Variants in CTBP2 observed in about 807,000 individuals in gnomAD.
The protein encoded by CTBP2 is C-terminal binding protein 2, also known as C-terminal-binding protein 2.
A neutral mutation model predicts 80.3 loss-of-function variants in CTBP2; 30 were observed. That is an observed-to-expected ratio of 0.37 (90% CI 0.28 to 0.51). The LOEUF is 0.51. CTBP2 is among the 20% of genes least tolerant of loss of function. The pLI is 0.93. For missense variants in CTBP2, 1,212 were observed against 1,375.3 expected (o/e 0.88, Z 1.88); for synonymous variants, 594 against 587.4 (o/e 1.01, Z -0.16).
At chr10:125,010,764 T>C (rs1033969564) in intron 1 of CTBP2, among the ~76,000 whole-genome samples, 1 of 151,896 alleles carries the variant, frequency 6.6e-6, no homozygotes, top group South Asian at 2.1e-4. Context: ...ACAAAATGAG[T>C]GCCGGGGAAT....
chr10:125,125,373 T>C (rs1409565668), intron 1 of CTBP2, among the ~76,000 whole-genome samples: 2 of 152,224 alleles, frequency 1.3e-5, no homozygotes, highest in Non-Finnish European at 2.9e-5. Flanking sequence ...ATATAAGCCT[T>C]ATATTTCAGC....
chr10:125,101,233 G>A (rs1189392779), intron 2 of CTBP2, among the ~76,000 whole-genome samples: 1 of 152,236 alleles, frequency 6.6e-6, no homozygotes, highest in South Asian at 2.1e-4. Context: ...TGAAGTGGCC[G>A]TGTTCCCGGC....
chr10:125,015,832 C>A (rs1008081250), intron 1 of CTBP2, among the ~76,000 whole-genome samples: 1 of 152,190 alleles, frequency 6.6e-6, no homozygotes, highest in Non-Finnish European at 1.5e-5. Flanking sequence ...GGCAGAGCGG[C>A]CAGCTGCTGC....
At chr10:125,104,356 C>T (rs144298658) in intron 2 of CTBP2, among the ~76,000 whole-genome samples, 1 of 152,340 alleles carries the variant, frequency 6.6e-6, no homozygotes, top group East Asian at 1.9e-4. Context: ...ACATTTCCCC[C>T]TAATGTTCTA....
intron 1 of CTBP2, among the ~76,000 whole-genome samples, chr10:125,135,138 T>C (rs1482940745): frequency 1.3e-5 from 2 of 152,018 alleles, no homozygotes; most frequent in Non-Finnish European, 2.9e-5. Flanking sequence ...TACTTCCTCC[T>C]GCACCCTGGG....
chr10:125,105,046 G>A (rs1424837857), intron 2 of CTBP2, among the ~76,000 whole-genome samples: 1 of 152,158 alleles, frequency 6.6e-6, no homozygotes, highest in East Asian at 1.9e-4. Context: ...CTGTCACTCA[G>A]GCTAAGTAGA....
chr10:125,111,530 G>C (rs957334336), intron 1 of CTBP2, among the ~76,000 whole-genome samples: 1 of 152,220 alleles, frequency 6.6e-6, no homozygotes, highest in Admixed American at 6.5e-5. Flanking sequence ...CATAAATGCT[G>C]ACAACTGTTA....
At chr10:125,152,192 G>A (rs968892774) in intron 1 of CTBP2, among the ~76,000 whole-genome samples, 5 of 152,156 alleles carry the variant, frequency 3.3e-5, no homozygotes, top group Non-Finnish European at 7.4e-5. Context: ...CCCCAGGGAT[G>A]GAGGGGGCTT....
intron 1 of CTBP2, among the ~76,000 whole-genome samples, chr10:125,022,385 G>C (rs1957133883): frequency 6.6e-6 from 1 of 152,242 alleles, no homozygotes; most frequent in Admixed American, 6.5e-5. Flanking sequence ...CTTGGGTCTT[G>C]CCCACCTGGG....
chr10:125,112,150 T>C (rs1432539893), intron 1 of CTBP2, among the ~76,000 whole-genome samples: 3 of 149,460 alleles, frequency 2.0e-5, no homozygotes, highest in East Asian at 2.0e-4. Flanking sequence ...TCTCACTCTG[T>C]CACCCAGGCT....
intron 2 of CTBP2, among the ~76,000 whole-genome samples, chr10:125,054,801 G>A (rs117929929): frequency 0.027 from 4,062 of 152,234 alleles, 76 homozygotes; most frequent in Non-Finnish European, 0.043. Context: ...AAAAACAAGC[G>A]AAACCCTCTA....
At chr10:125,081,048 A>G (rs1204564114) in intron 2 of CTBP2, among the ~76,000 whole-genome samples, 1 of 152,176 alleles carries the variant, frequency 6.6e-6, no homozygotes, top group Non-Finnish European at 1.5e-5. Context: ...CCCACCAATA[A>G]TAAGATAAAT....
chr10:125,079,150 G>GAA (rs58370199), intron 2 of CTBP2, among the ~76,000 whole-genome samples: 72 of 101,138 alleles, frequency 7.1e-4, no homozygotes, highest in Non-Finnish European at 7.8e-4. Context: ...TTGTCTCGAG[G>GAA]AAAAAAAAAA....
intron 1 of CTBP2, among the ~76,000 whole-genome samples, chr10:125,111,415 G>T (rs755881833): frequency 3.9e-5 from 6 of 152,210 alleles, no homozygotes; most frequent in Non-Finnish European, 5.9e-5. Context: ...CAAGCAAAGG[G>T]ACAAAAGAAT....
At chr10:125,012,264 C>G (rs1337463103) in intron 1 of CTBP2, among the ~76,000 whole-genome samples, 1 of 152,202 alleles carries the variant, frequency 6.6e-6, no homozygotes, top group Non-Finnish European at 1.5e-5. Context: ...GGAGCAACAT[C>G]CAAGCCTGAG....
In CTBP2 at chr10:125,036,667, GGGTGTGT is replaced by G. The variant is rs1958906548; in HGVS notation, c.58+2323_58+2329del. 6.9e-5 allele frequency among the ~76,000 whole-genome samples: 4 copies of G among 58,016 alleles called. No homozygotes were observed. In the Admixed American group the frequency reaches 8.7e-4, roughly 13 times the overall value. The allele number at this position is 58,016 out of a possible 152,430, so 38.1% of individuals were successfully genotyped here. A position where few individuals can be genotyped will look rare whatever the true frequency, so the allele number is the denominator to read the frequency against. On this transcript the variant is annotated intron_variant, in intron 3 of 10. Transcript: ENST00000337195. ...CATGGTGAGAATTCAAAGCTAGAGG[GGGTGTGT>G]GTGTGTGTGTGTGTGTGTGTGTGTG...
intron 1 of CTBP2, among the ~76,000 whole-genome samples, chr10:125,112,893 T>G (rs1380565503): frequency 6.6e-6 from 1 of 152,246 alleles, no homozygotes; most frequent in East Asian, 1.9e-4. Context: ...AAAGAAGAAC[T>G]GCTACACTCA....
intron 1 of CTBP2, among the ~76,000 whole-genome samples, chr10:125,150,294 C>T (rs576638548): frequency 1.7e-4 from 26 of 152,332 alleles, no homozygotes; most frequent in African/African-American, 6.3e-4. Context: ...TGAAATGATA[C>T]CTGGCCACTA....
At chr10:125,023,859 G>A (rs3781416) in intron 1 of CTBP2, among the ~76,000 whole-genome samples, 34,478 of 152,120 alleles carry the variant, frequency 0.23, 4,166 homozygotes, top group East Asian at 0.28. Flanking sequence ...CCCACTATAA[G>A]CAGTGCAACA....
Sources: allele counts gnomAD v4.1 joint callset (sites outside exome capture counted in the v4.1 genomes callset), GRCh38; gene constraint gnomAD v4.1.1; transcripts MANE v1.5; gene names NCBI Gene and HGNC (gene_info 2026-07-23, HGNC 2026-07-21).